The following TET1 variants were observed in gnomAD, a reference collection of about 807,000 sequenced individuals.
TET1 encodes methylcytosine dioxygenase TET1.
TET1 carries 13 observed loss-of-function variants against 148.7 expected under a neutral mutation model. The ratio of observed to expected loss-of-function variants is 0.09; its 90% CI spans 0.06 to 0.14. The LOEUF is 0.14. Among genes scored for constraint, TET1 ranks in the 10% least tolerant of loss-of-function variants. TET1 has a pLI of 1.00. For missense variants in TET1, 2,182 were observed against 2,553.8 expected (o/e 0.85, Z 3.14); for synonymous variants, 907 against 937.2 (o/e 0.97, Z 0.59).
intron 2 of TET1, among the ~76,000 whole-genome samples, chr10:68,595,609 C>CTTTTTTTTTTTTTTTTTT (rs1564958558): frequency 4.5e-5 from 4 of 89,384 alleles, no homozygotes; most frequent in Admixed American, 1.2e-4. Context: ...ACACACACAG[C>CTTTTTTTTTTTTTTTTTT]TTCTTTTTTT....
At chr10:68,641,749 C>T (rs978827509) in intron 3 of TET1, among the ~76,000 whole-genome samples, 1 of 152,138 alleles carries the variant, frequency 6.6e-6, no homozygotes, top group Non-Finnish European at 1.5e-5. Context: ...GATCCGCTCA[C>T]GTTTGCCTCC....
chr10:68,632,429 G>A, intron 3 of TET1: 1 of 1,612,260 alleles, frequency 6.2e-7, no homozygotes, highest in South Asian at 1.1e-5. Flanking sequence ...AAGCTCCTAG[G>A]ATTTTTAGAT....
At chr10:68,586,269 C>G (rs1283072816) in intron 2 of TET1, among the ~76,000 whole-genome samples, 1 of 152,126 alleles carries the variant, frequency 6.6e-6, no homozygotes, top group East Asian at 1.9e-4. Flanking sequence ...TCAGTACCTC[C>G]CAGGTTTAAG....
rs745380607 is a variant in TET1 at position 68,672,892 on chromosome 10, C to T, written c.4674-3C>T. 2.5e-6 allele frequency: 4 copies of T among 1,602,350 alleles called. No homozygotes were observed. The highest frequency in any genetic ancestry group is 1.1e-5 in the South Asian group (1 of 89,222). Reference sequence around the variant, plus strand: ...TTCACTCTCTTGAATTACAATCTTACAGTCGTACCTGTACATGTCAAGGAA... The same window carrying T: ...TTCACTCTCTTGAATTACAATCTTATAGTCGTACCTGTACATGTCAAGGAA... On this transcript the variant is annotated splice_region_variant and splice_polypyrimidine_tract_variant and intron_variant, in intron 7 of 11. Transcript: ENST00000373644.
chr10:68,591,780 G>T (rs1262053885), intron 2 of TET1, among the ~76,000 whole-genome samples: 1 of 152,074 alleles, frequency 6.6e-6, no homozygotes, highest in Non-Finnish European at 1.5e-5. Context: ...GTGGGCACCT[G>T]TAGTCCCAGC....
intron 3 of TET1, among the ~76,000 whole-genome samples, chr10:68,620,123 A>G (rs1368818440): frequency 1.3e-5 from 2 of 152,216 alleles, no homozygotes; most frequent in Non-Finnish European, 2.9e-5. Flanking sequence ...TGAACACAGG[A>G]GGCGGAGATT....
At chr10:68,584,949 T>G (rs970123410) in intron 2 of TET1, among the ~76,000 whole-genome samples, 4 of 151,808 alleles carry the variant, frequency 2.6e-5, no homozygotes, top group Non-Finnish European at 4.4e-5. Context: ...GCCTCCAGAA[T>G]AGCTGGGACT....
At chr10:68,611,110 T>C (rs944716732) in intron 3 of TET1, among the ~76,000 whole-genome samples, 4 of 151,998 alleles carry the variant, frequency 2.6e-5, no homozygotes, top group African/African-American at 4.8e-5. Context: ...CTGGCCAGCA[T>C]GGTGAAACCC....
intron 1 of TET1, among the ~76,000 whole-genome samples, chr10:68,562,975 A>C (rs1025703237): frequency 1.3e-5 from 2 of 148,854 alleles, no homozygotes; most frequent in Non-Finnish European, 3.0e-5. Context: ...TTTACTATAC[A>C]TTTCTTCCCC....
intron 3 of TET1, among the ~76,000 whole-genome samples, chr10:68,641,561 C>T (rs1006057866): frequency 1.3e-5 from 2 of 151,796 alleles, no homozygotes; most frequent in Admixed American, 6.6e-5. Context: ...TGCAGTGGCA[C>T]GATCTCGGCT....
intron 8 of TET1, among the ~76,000 whole-genome samples, chr10:68,677,216 G>A (rs529016273): frequency 4.6e-5 from 7 of 152,230 alleles, no homozygotes; most frequent in South Asian, 2.1e-4. Context: ...CTTCTCCACC[G>A]CAAGAATGCT....
chr10:68,686,604 A>G lies in TET1; in HGVS notation c.5301A>G (p.Ala1767=). The change falls in exon 11 of 12, where the codon GCA becomes GCG. Residue 1767 remains alanine (A), a synonymous_variant. Transcript: ENST00000373644. ...CTGCGATGATGACAGAGGTTCTTGC[A>G]CATAAGATAAGGGCAGTGGAAAAGA... The part of the protein sequence containing the change: ...KRAAMMTEVL[A]HKIRAVEKKP... The G allele has an allele frequency of 1.9e-6, 3 of 1,614,186 alleles. No individual in the cohort carries two copies. Among genetic ancestry groups the G allele is most frequent in the Non-Finnish European group, 1.7e-6 (2 of 1,180,034 alleles).
chr10:68,658,094 A>G (rs1436628719), intron 6 of TET1, among the ~76,000 whole-genome samples: 1 of 152,148 alleles, frequency 6.6e-6, no homozygotes, highest in African/African-American at 2.4e-5. Flanking sequence ...TAAAACATTA[A>G]TCTATATCAA....
chr10:68,646,655 G>C lies in TET1; in HGVS notation c.3926G>C (p.Cys1309Ser). Reference sequence around the variant, plus strand: ...CAGCCCTCCTCTCCACCTAACCAGTGTGCTAACGTGATGGCAGGCGATGAC... The same window carrying C: ...CAGCCCTCCTCTCCACCTAACCAGTCTGCTAACGTGATGGCAGGCGATGAC... ...LTQPSSPPNQ[C>S]ANVMAGDDQI... is the part of the protein sequence containing the mutation. The change falls in exon 4 of 12, where the codon TGT becomes TCT. Residue 1309 changes from cysteine (C) to serine (S), a missense_variant. Around this residue, in one of 11 missense-constraint regions of TET1, gnomAD observed 582 missense variants for 599.5 expected, o/e 0.97. Coordinates refer to ENST00000373644, the MANE Select transcript of TET1 (RefSeq NM_030625.3). The C allele has an allele frequency of 6.2e-7, 1 of 1,614,130 alleles. No homozygotes were observed. The highest frequency in any genetic ancestry group is 8.5e-7 in the Non-Finnish European group (1 of 1,180,020).
At chr10:68,591,070 G>A (rs2053913732) in intron 2 of TET1, among the ~76,000 whole-genome samples, 1 of 151,976 alleles carries the variant, frequency 6.6e-6, no homozygotes, top group Non-Finnish European at 1.5e-5. Flanking sequence ...GGTCAGGCTG[G>A]TCTCGAACTC....
chr10:68,606,003 G>C (rs1467848469), intron 3 of TET1, among the ~76,000 whole-genome samples: 2 of 152,088 alleles, frequency 1.3e-5, no homozygotes, highest in Non-Finnish European at 2.9e-5. Flanking sequence ...TAGGATTACA[G>C]CCACCCTCCC....
At chr10:68,617,169 C>T (rs143107976) in intron 3 of TET1, among the ~76,000 whole-genome samples, 7,728 of 149,512 alleles carry the variant, frequency 0.052, 698 homozygotes, top group African/African-American at 0.18. Flanking sequence ...CTATAGGCGC[C>T]TGCCACCACG....
intron 3 of TET1, chr10:68,632,329 A>C: frequency 6.6e-7 from 1 of 1,517,068 alleles, no homozygotes; most frequent in South Asian, 1.2e-5. Context: ...TTCAAAAAAA[A>C]AAGAAAGGGT....
Position 68,573,596 on chromosome 10 carries a change from G to C in TET1, c.1258G>C (p.Gly420Arg). ...GTILDQQETLGMSGSVVPDLP... is the reference protein window; with the variant it reads ...GTILDQQETLRMSGSVVPDLP... ...TATTTTAGACCAACAAGAAACTCTT[G>C]GTATGAGTGGGAGTGTTGTCCCAGA... is the stretch of plus-strand genomic sequence containing the variant. The change falls in exon 2 of 12, where the codon GGT (glycine) becomes CGT (arginine). Residue 420 changes from glycine to arginine, a missense_variant. Physicochemically the swap from Gly to Arg is moderately radical, Grantham distance 125. Transcript: ENST00000373644. 1 of 1,614,104 alleles carries C rather than the reference G, an allele frequency of 6.2e-7. No individual in the cohort carries two copies. Among genetic ancestry groups the C allele is most frequent in the Non-Finnish European group, 8.5e-7 (1 of 1,180,022 alleles).
Sources: allele counts gnomAD v4.1 joint callset (sites outside exome capture counted in the v4.1 genomes callset), GRCh38; gene constraint gnomAD v4.1.1; regional missense constraint gnomAD v4.1.1; transcripts MANE v1.5; gene names NCBI Gene and HGNC (gene_info 2026-07-23, HGNC 2026-07-21).